The following AGBL4 variants were observed in gnomAD, a reference collection of about 807,000 sequenced individuals.
AGBL4 encodes the protein AGBL carboxypeptidase 4.
In AGBL4, 58 loss-of-function variants were observed where a neutral mutation model predicts 66.4. That is an observed-to-expected ratio of 0.87 (90% CI 0.71 to 1.09). The LOEUF (loss-of-function observed/expected upper bound fraction) is 1.09. AGBL4 is among the 50% of genes least tolerant of loss of function. The pLI, the probability that AGBL4 is intolerant of heterozygous loss-of-function variation, is 0.00. For missense variants in AGBL4, 579 were observed against 631.0 expected (o/e 0.92, Z 0.88); for synonymous variants, 234 against 222.9 (o/e 1.05, Z -0.44).
chr1:49,725,682 G>GTTTTTTT (rs58294452), intron 2 of AGBL4, among the ~76,000 whole-genome samples: 6 of 119,084 alleles, frequency 5.0e-5, no homozygotes, highest in African/African-American at 1.0e-4. Flanking sequence ...TCCTTTGTGG[G>GTTTTTTT]TTTTTTTTTT....
chr1:49,356,275 A>G (rs1644018480), intron 3 of AGBL4, among the ~76,000 whole-genome samples: 1 of 152,156 alleles, frequency 6.6e-6, no homozygotes, highest in African/African-American at 2.4e-5. Flanking sequence ...TTCTTTTTGT[A>G]AAAAGGAAGA....
chr1:49,358,687 T>G (rs1243943216), intron 3 of AGBL4, among the ~76,000 whole-genome samples: 1 of 152,226 alleles, frequency 6.6e-6, no homozygotes, highest in Non-Finnish European at 1.5e-5. Flanking sequence ...AAGCAAGAAC[T>G]GGTGCAAAGA....
chr1:48,772,478 G>C (rs1644886174), intron 6 of AGBL4, among the ~76,000 whole-genome samples: 1 of 152,282 alleles, frequency 6.6e-6, no homozygotes, highest in East Asian at 1.9e-4. Context: ...GCTCAAAGGA[G>C]TGCGAGAGAG....
chr1:48,613,692 T>C (rs1645275143), intron 9 of AGBL4, among the ~76,000 whole-genome samples: 1 of 152,228 alleles, frequency 6.6e-6, no homozygotes, highest in African/African-American at 2.4e-5. Context: ...GTGACACCTT[T>C]AGCCTGGGCC....
At chr1:49,980,382 TA>T (rs1658960559) in intron 1 of AGBL4, among the ~76,000 whole-genome samples, 1 of 152,196 alleles carries the variant, frequency 6.6e-6, no homozygotes, top group South Asian at 2.1e-4. Context: ...AAACTGAAAC[TA>T]AATTTTGTAA....
intron 4 of AGBL4, among the ~76,000 whole-genome samples, chr1:49,070,008 T>C (rs1231004605): frequency 6.6e-6 from 1 of 151,842 alleles, no homozygotes; most frequent in Admixed American, 6.6e-5. Flanking sequence ...TGAATGGGAG[T>C]TCACTCATGA....
chr1:48,794,967 G>C (rs1250910266), intron 6 of AGBL4, among the ~76,000 whole-genome samples: 1 of 152,094 alleles, frequency 6.6e-6, no homozygotes, highest in Non-Finnish European at 1.5e-5. Context: ...TTTTAGTAAA[G>C]AGTACTATCA....
At chr1:49,661,968 A>C (rs1336069078) in intron 3 of AGBL4, among the ~76,000 whole-genome samples, 2 of 152,096 alleles carry the variant, frequency 1.3e-5, no homozygotes, top group Non-Finnish European at 2.9e-5. Flanking sequence ...CCATGCAATT[A>C]CATTAGCTGG....
At chr1:49,421,908 C>CTATCGA (rs1328692112) in intron 3 of AGBL4, among the ~76,000 whole-genome samples, 8 of 152,280 alleles carry the variant, frequency 5.3e-5, no homozygotes, top group South Asian at 4.2e-4. Context: ...ACCTCCAGTT[C>CTATCGA]TATCGATATA....
intron 6 of AGBL4, among the ~76,000 whole-genome samples, chr1:48,822,338 G>A (rs897566567): frequency 2.0e-5 from 3 of 152,202 alleles, no homozygotes; most frequent in Non-Finnish European, 2.9e-5. Flanking sequence ...GAATGCTAAA[G>A]AAGACTAAAA....
At chr1:49,858,347 A>C (rs1646484617) in intron 1 of AGBL4, among the ~76,000 whole-genome samples, 1 of 152,218 alleles carries the variant, frequency 6.6e-6, no homozygotes, top group Non-Finnish European at 1.5e-5. Flanking sequence ...ATATCTAAAA[A>C]TAAAAGTACC....
At chr1:48,684,299 G>T (rs528485764) in intron 6 of AGBL4, among the ~76,000 whole-genome samples, 2 of 152,348 alleles carry the variant, frequency 1.3e-5, no homozygotes, top group East Asian at 1.9e-4. Context: ...TGCCAAAGAG[G>T]TCTATGTTAG....
chr1:49,374,218 T>C (rs1220009258), intron 3 of AGBL4: 1 of 152,032 alleles, frequency 6.6e-6, no homozygotes, highest in African/African-American at 2.4e-5. Flanking sequence ...ACACATGTAT[T>C]TATTCATGCT....
chr1:48,633,278 G>T (rs533251653), intron 9 of AGBL4, among the ~76,000 whole-genome samples: 1 of 152,088 alleles, frequency 6.6e-6, no homozygotes, highest in Non-Finnish European at 1.5e-5. Flanking sequence ...GTTTTTAAGC[G>T]CACTTTTCTA....
rs377702992 is a variant in AGBL4, at chr1:48,663,261, A to G, written c.635-20T>C. Reference sequence around the variant, plus strand: ...GATTGTCTGTAAGATAAAATGAAAGATGGTTGCTAAGGAGGGCAAGAAAAG... The same window carrying G: ...GATTGTCTGTAAGATAAAATGAAAGGTGGTTGCTAAGGAGGGCAAGAAAAG... On this transcript the variant is annotated intron_variant, in intron 6 of 13. Transcript: ENST00000371839. 1.9e-6 allele frequency: 3 copies of G among 1,613,406 alleles called. No individual in the cohort carries two copies. The highest frequency in any genetic ancestry group is 2.5e-6 in the Non-Finnish European group (3 of 1,179,388).
the AGBL4 span, among the ~76,000 whole-genome samples, chr1:48,522,985 T>C: frequency 6.6e-6 from 1 of 151,648 alleles, no homozygotes; most frequent in African/African-American, 2.4e-5. Context: ...TTTAGCAACC[T>C]GACATGCATA....
chr1:49,489,323 T>C (rs1242490393), intron 3 of AGBL4, among the ~76,000 whole-genome samples: 3 of 152,010 alleles, frequency 2.0e-5, no homozygotes, highest in African/African-American at 7.2e-5. Context: ...GCCATTTATA[T>C]GTTTTCTTTT....
At chr1:49,942,823 C>A (rs1654890554) in intron 1 of AGBL4, among the ~76,000 whole-genome samples, 1 of 151,988 alleles carries the variant, frequency 6.6e-6, no homozygotes, top group South Asian at 2.1e-4. Flanking sequence ...AAAAAATAGA[C>A]AAATGGGATT....
At chr1:48,862,261 C>G (rs1264047382) in intron 6 of AGBL4, among the ~76,000 whole-genome samples, 1 of 152,200 alleles carries the variant, frequency 6.6e-6, no homozygotes, top group Non-Finnish European at 1.5e-5. Flanking sequence ...CACTTCCTCC[C>G]CTGCGTGCCA....
Sources: gnomAD v4.1 joint callset for allele counts (sites outside exome capture counted in the v4.1 genomes callset) on GRCh38, gnomAD v4.1.1 for gene constraint, MANE v1.5 for transcripts, NCBI Gene and HGNC (gene_info 2026-07-23, HGNC 2026-07-21) for gene names.